SLC35F3: variants seen among roughly 807,000 people sequenced by gnomAD.
The protein encoded by SLC35F3 is putative thiamine transporter SLC35F3.
In SLC35F3, 25 loss-of-function variants were observed where a neutral mutation model predicts 49.9. That is an observed-to-expected ratio of 0.50 (90% CI 0.37 to 0.70). The LOEUF is 0.70. SLC35F3 is among the 30% of genes least tolerant of loss of function. The pLI is 0.00. For missense variants in SLC35F3, 525 were observed against 639.8 expected (o/e 0.82, Z 1.94); for synonymous variants, 275 against 265.4 (o/e 1.04, Z -0.35).
At chr1:234,233,785 T>C (rs747566832) in intron 3 of SLC35F3, among the ~76,000 whole-genome samples, 9 of 152,258 alleles carry the variant, frequency 5.9e-5, no homozygotes, top group Non-Finnish European at 1.2e-4. Context: ...ATTGGTAAAC[T>C]GGTTAAAAGC....
At chr1:234,311,516 G>A (rs2102994982) in intron 4 of SLC35F3, among the ~76,000 whole-genome samples, 1 of 152,356 alleles carries the variant, frequency 6.6e-6, no homozygotes, top group South Asian at 2.1e-4. Flanking sequence ...TATGTTTGTG[G>A]AATTGGCTGC....
chr1:234,276,798 G>A (rs537931533), intron 3 of SLC35F3, among the ~76,000 whole-genome samples: 8 of 152,318 alleles, frequency 5.3e-5, no homozygotes, highest in African/African-American at 1.7e-4. Context: ...AAAATGTCAT[G>A]CAGAAAAATA....
intron 2 of SLC35F3, among the ~76,000 whole-genome samples, chr1:234,183,787 C>G (rs1033352436): frequency 7.0e-6 from 1 of 142,886 alleles, no homozygotes; most frequent in Non-Finnish European, 1.5e-5. Context: ...ACTTCTGGTT[C>G]AAGTACAAAA....
At chr1:234,273,020 CCT>C (rs1668133838) in intron 3 of SLC35F3, among the ~76,000 whole-genome samples, 1 of 152,200 alleles carries the variant, frequency 6.6e-6, no homozygotes, top group South Asian at 2.1e-4. Flanking sequence ...TCCTCGGATC[CCT>C]CTCTTGCTTT....
intron 2 of SLC35F3, among the ~76,000 whole-genome samples, chr1:233,917,439 A>T (rs1558177796): frequency 1.3e-5 from 2 of 150,108 alleles, no homozygotes; most frequent in South Asian, 2.1e-4. Context: ...GTCATTAAAC[A>T]TTTTTTTTTT....
intron 2 of SLC35F3, among the ~76,000 whole-genome samples, chr1:234,134,132 A>G (rs1236509902): frequency 2.0e-5 from 3 of 152,182 alleles, no homozygotes; most frequent in African/African-American, 7.2e-5. Flanking sequence ...TCTTTCATTT[A>G]ACAAATATTT....
chr1:233,975,663 C>T (rs972166595), intron 2 of SLC35F3, among the ~76,000 whole-genome samples: 12 of 152,162 alleles, frequency 7.9e-5, no homozygotes, highest in South Asian at 4.1e-4. Context: ...CGTGGTTGAA[C>T]GGGGAGCAAC....
At chr1:234,257,825 C>T (rs1667845848) in intron 3 of SLC35F3, among the ~76,000 whole-genome samples, 1 of 152,204 alleles carries the variant, frequency 6.6e-6, no homozygotes, top group Admixed American at 6.5e-5. Flanking sequence ...TTGAAATGAT[C>T]AGCCTAAGCC....
At position 234,068,835 on chromosome 1, in the gene SLC35F3, A is replaced by ATATATATATATATATATG. The variant is rs1664659789; in HGVS notation, c.284-162565_284-162564insGTATATATATATATATAT. Among the ~76,000 whole-genome samples the ATATATATATATATATATG allele has an allele frequency of 3.0e-5, 4 of 131,156 alleles. No individual in the cohort carries two copies. The South Asian group carries it at 9.2e-4, about 30-fold the overall frequency. The allele number at this position is 131,156 out of a possible 152,430, so 86.0% of individuals were successfully genotyped here. On this transcript the variant is annotated intron_variant, in intron 2 of 7. Coordinates refer to ENST00000366618, the MANE Select transcript of SLC35F3 (RefSeq NM_173508.4). ...AAGATTTGAGACATTATATATATAT[A>ATATATATATATATATATG]TATATATATATATATATATATGGCA...
chr1:233,944,953 T>TG (rs977247003), intron 2 of SLC35F3, among the ~76,000 whole-genome samples: 1 of 152,094 alleles, frequency 6.6e-6, no homozygotes, highest in African/African-American at 2.4e-5. Flanking sequence ...GAAGAACAAT[T>TG]GCTATTGGTT....
intron 3 of SLC35F3, chr1:234,285,147 A>G: frequency 3.4e-6 from 1 of 293,762 alleles, no homozygotes; most frequent in Non-Finnish European, 6.6e-6. Context: ...GGTTGACAAA[A>G]TGGTAGGAAA....
At chr1:234,275,763 A>AAAAT (rs1553260465) in intron 3 of SLC35F3, among the ~76,000 whole-genome samples, 113 of 135,516 alleles carry the variant, frequency 8.3e-4, no homozygotes, top group Middle Eastern at 4.0e-3. Context: ...AAAAAAAAAA[A>AAAAT]ATATATATAT....
At chr1:233,909,464 C>T (rs568046525) in intron 2 of SLC35F3, among the ~76,000 whole-genome samples, 1 of 152,272 alleles carries the variant, frequency 6.6e-6, no homozygotes, top group Non-Finnish European at 1.5e-5. Context: ...ATACTGACCT[C>T]TGGGACAGGG....
intron 2 of SLC35F3, among the ~76,000 whole-genome samples, chr1:234,121,033 C>T (rs983411157): frequency 5.9e-5 from 9 of 151,728 alleles, no homozygotes; most frequent in African/African-American, 2.2e-4. Context: ...TGAGTTTTAA[C>T]CATTGTTTGC....
intron 2 of SLC35F3, among the ~76,000 whole-genome samples, chr1:233,988,528 G>A (rs1238517786): frequency 2.0e-5 from 3 of 152,106 alleles, no homozygotes; most frequent in African/African-American, 7.2e-5. Context: ...ATTCGTGTCT[G>A]AGCTCTTTGA....
At chr1:234,249,596 G>C (rs1334333242) in intron 3 of SLC35F3, among the ~76,000 whole-genome samples, 3 of 152,308 alleles carry the variant, frequency 2.0e-5, no homozygotes, top group Admixed American at 2.0e-4. Flanking sequence ...ATGGGAAAGT[G>C]AGATTGACTG....
At chr1:234,242,509 C>T (rs1352736943) in intron 3 of SLC35F3, among the ~76,000 whole-genome samples, 3 of 152,158 alleles carry the variant, frequency 2.0e-5, no homozygotes, top group Non-Finnish European at 4.4e-5. Flanking sequence ...GTGGCCACAC[C>T]TCATACTGTC....
At chr1:234,090,339 T>A (rs1391235540) in intron 2 of SLC35F3, among the ~76,000 whole-genome samples, 1 of 152,276 alleles carries the variant, frequency 6.6e-6, no homozygotes, top group Non-Finnish European at 1.5e-5. Flanking sequence ...AAGGTGCACA[T>A]ACTGCTGTCA....
Position 234,323,242 on chromosome 1 carries a change from A to G in SLC35F3, c.1472A>G (p.Ter491=). The change falls in exon 8 of 8, where the codon TAA becomes TGA. Residue 491 remains the stop codon, a stop_retained_variant. Coordinates refer to ENST00000366618, the MANE Select transcript of SLC35F3 (RefSeq NM_173508.4). This position sits in a 1 kb window ranked among gnomAD's most constrained non-coding sequence, Gnocchi z 4.5. The part of the protein sequence containing the change: ...NRRARPSFAR[*] ...AGAGCCCGCCCTTCCTTCGCCCGCT[A>G]ACACCACTCCTCTAGAACTCGGTGG... 6.2e-7 allele frequency: 1 copy of G among 1,613,054 alleles called. No individual in the cohort carries two copies. The highest frequency in any genetic ancestry group is 8.5e-7 in the Non-Finnish European group (1 of 1,179,582).
Sources: gnomAD v4.1 joint callset for allele counts (sites outside exome capture counted in the v4.1 genomes callset) on GRCh38, gnomAD v4.1.1 for gene constraint, Gnocchi (gnomAD v3.1) non-coding constraint, MANE v1.5 for transcripts, NCBI Gene and HGNC (gene_info 2026-07-23, HGNC 2026-07-21) for gene names.